The following NUP98 variants were observed in gnomAD, a reference collection of about 807,000 sequenced individuals.
NUP98 encodes the protein nuclear pore complex protein Nup98-Nup96.
A neutral mutation model predicts 191.9 loss-of-function variants in NUP98; 26 were observed. That is an observed-to-expected ratio of 0.14 (90% CI 0.10 to 0.19). NUP98 has a LOEUF of 0.19. Among genes scored for constraint, NUP98 ranks in the 10% least tolerant of loss-of-function variants. NUP98 has a pLI of 1.00. For synonymous variants in NUP98, 808 were observed against 778.4 expected (o/e 1.04, Z -0.63); for missense variants, 1,941 against 2,178.8 (o/e 0.89, Z 2.17).
At chr11:3,738,537 G>A (rs2080160027) in intron 12 of NUP98, among the ~76,000 whole-genome samples, 4 of 152,114 alleles carry the variant, frequency 2.6e-5, no homozygotes. Flanking sequence ...CCAGCACTTT[G>A]GGAAGCTGAG....
At chr11:3,690,299 G>A (rs542620430) in intron 28 of NUP98, among the ~76,000 whole-genome samples, 11 of 144,344 alleles carry the variant, frequency 7.6e-5, no homozygotes, top group South Asian at 2.2e-4. Flanking sequence ...TTGCTGTGTC[G>A]CCCAGGCTGG....
chr11:3,729,348 C>A (rs1047678587), intron 14 of NUP98, among the ~76,000 whole-genome samples: 3 of 151,616 alleles, frequency 2.0e-5, no homozygotes, highest in Non-Finnish European at 4.4e-5. Flanking sequence ...TTGTGGGGTC[C>A]TGGAAGACAA....
chr11:3,709,817 G>A (rs1265109459), intron 20 of NUP98, among the ~76,000 whole-genome samples: 4 of 24,878 alleles, frequency 1.6e-4, no homozygotes, highest in Non-Finnish European at 2.8e-4. Flanking sequence ...GACTGTTGTG[G>A]GGTGGGGGGA....
At chr11:3,756,637 A>G (rs1564890651) in intron 10 of NUP98, among the ~76,000 whole-genome samples, 1 of 151,880 alleles carries the variant, frequency 6.6e-6, no homozygotes, top group East Asian at 2.0e-4. Context: ...TGGCCAGTCT[A>G]TCTCGAACTC....
chr11:3,757,093 A>AT (rs1364740415), intron 10 of NUP98, among the ~76,000 whole-genome samples: 28 of 143,562 alleles, frequency 2.0e-4, no homozygotes, highest in Non-Finnish European at 3.4e-4. Flanking sequence ...ATCTCAAAAA[A>AT]AAAATATATA....
intron 1 of NUP98, among the ~76,000 whole-genome samples, chr11:3,790,583 C>CA: frequency 6.6e-6 from 1 of 152,208 alleles, no homozygotes; most frequent in East Asian, 1.9e-4. Flanking sequence ...CAATGGTGTG[C>CA]AAAAATGCTG....
intron 18 of NUP98, among the ~76,000 whole-genome samples, chr11:3,715,336 G>A (rs547532930): frequency 1.3e-5 from 2 of 152,038 alleles, no homozygotes; most frequent in South Asian, 4.1e-4. Context: ...TAGTAGAGAC[G>A]GGGTTTTGCC....
At chr11:3,714,117 G>GC (rs2079103766) in intron 18 of NUP98, 122 bp from the exon 19 acceptor site, 4 of 1,000,974 alleles carry the variant, frequency 4.0e-6, no homozygotes, top group Non-Finnish European at 6.0e-6. Flanking sequence ...GAATTATTCT[G>GC]CATGTGTCAT....
chr11:3,699,298 G>A lies in NUP98; in HGVS notation c.3793C>T (p.His1265Tyr). The A allele has an allele frequency of 6.8e-6, 11 of 1,614,200 alleles. No homozygotes were observed. Among genetic ancestry groups the A allele is most frequent in the Non-Finnish European group, 9.3e-6 (11 of 1,180,026 alleles). ...TWTLCEALWG[H>Y]LKELDSQLNE... ...AGCTGGCTGTCAAGCTCCTTCAGGT[G>A]GCCCCATAGGGCTTCACATAGTGTC... Residue 1265 changes from histidine to tyrosine, a missense_variant, in exon 25 of 33, where the codon CAC becomes TAC. Physicochemically the swap from His to Tyr is moderately conservative, Grantham distance 83. This residue lies in a region of NUP98 where 1,030 missense variants were observed against 1,115.8 expected (regional missense o/e 0.92). Transcript: ENST00000324932.
At chr11:3,721,754 GA>G (rs1275845624) in intron 16 of NUP98, among the ~76,000 whole-genome samples, 21 of 150,572 alleles carry the variant, frequency 1.4e-4, no homozygotes, top group Middle Eastern at 3.4e-3. Context: ...AATTAAAATA[GA>G]AAAAAAAATA....
At chr11:3,708,472 C>A (rs1444853459) in intron 20 of NUP98, among the ~76,000 whole-genome samples, 1 of 152,066 alleles carries the variant, frequency 6.6e-6, no homozygotes, top group East Asian at 1.9e-4. Context: ...TGCTAAGGAT[C>A]AAGGTTTTAT....
At chr11:3,739,311 G>A (rs189638146) in intron 12 of NUP98, among the ~76,000 whole-genome samples, 134 of 152,176 alleles carry the variant, frequency 8.8e-4, no homozygotes, top group African/African-American at 2.8e-3. Flanking sequence ...GCGCAGTAGC[G>A]CGATCTCGGC....
intron 11 of NUP98, among the ~76,000 whole-genome samples, chr11:3,747,889 G>C (rs564998097): frequency 2.6e-5 from 4 of 152,300 alleles, no homozygotes; most frequent in South Asian, 4.1e-4. Flanking sequence ...CCAAACCCAA[G>C]GGCCTGCTTC....
chr11:3,719,742 T>TA (rs1328970427), intron 17 of NUP98, among the ~76,000 whole-genome samples, 192 bp from the exon 18 acceptor site: 1 of 152,112 alleles, frequency 6.6e-6, no homozygotes, highest in Non-Finnish European at 1.5e-5. Context: ...TTATCTGATT[T>TA]AAAATCTGCA....
In NUP98 at chr11:3,753,555, A is replaced by T. The variant is rs2080844332; in HGVS notation, c.1175-147T>A. On this transcript the variant is annotated intron_variant, in intron 10 of 32. Transcript: ENST00000324932. ...CTCCTAACTTGTAGGATAACTTAAA[A>T]AAAAAATTTCACATATGCAAACAAG... 8.3e-6 allele frequency: 5 copies of T among 600,574 alleles called. No homozygotes were observed. The East Asian group carries it at 1.5e-4, about 18-fold the overall frequency. 37.2% of individuals were successfully genotyped at this position (600,574 alleles called of 1,614,324 possible). A position where few individuals can be genotyped will look rare whatever the true frequency, so the allele number is the denominator to read the frequency against.
At chr11:3,793,081 G>A (rs2082409830) in intron 1 of NUP98, among the ~76,000 whole-genome samples, 1 of 152,048 alleles carries the variant, frequency 6.6e-6, no homozygotes, top group South Asian at 2.1e-4. Flanking sequence ...ACTGCACTCC[G>A]ACTTGGGCGA....
chr11:3,749,362 C>T (rs1589871706), intron 11 of NUP98, among the ~76,000 whole-genome samples: 2 of 152,090 alleles, frequency 1.3e-5, no homozygotes, highest in Non-Finnish European at 2.9e-5. Context: ...CAGAGGCTCA[C>T]GCCTGTAATC....
In NUP98 at chr11:3,773,614, GT is replaced by G; in HGVS notation, c.603+17del. On this transcript the variant is annotated intron_variant, in intron 6 of 32. Transcript: ENST00000324932. ...AATCAAAAGGTTAGACTGACATTCT[GT>G]ATTGTATTTTACTGACCTCTAGTGA... is the stretch of plus-strand genomic sequence containing the variant. 1 of 1,403,480 alleles carries G rather than the reference GT, an allele frequency of 7.1e-7. No homozygotes were observed. The highest frequency in any genetic ancestry group is 1.0e-6 in the Non-Finnish European group (1 of 999,542). 86.9% of individuals were successfully genotyped at this position (1,403,480 alleles called of 1,614,324 possible).
chr11:3,761,365 G>A (rs970321719), intron 9 of NUP98, among the ~76,000 whole-genome samples: 12 of 152,116 alleles, frequency 7.9e-5, no homozygotes, highest in African/African-American at 2.2e-4. Context: ...AGTAGCTCAC[G>A]CCTGTAATCC....
Sources: gnomAD v4.1 joint callset for allele counts (sites outside exome capture counted in the v4.1 genomes callset) on GRCh38, gnomAD v4.1.1 for gene constraint, gnomAD v4.1.1 regional missense constraint, MANE v1.5 for transcripts, NCBI Gene and HGNC (gene_info 2026-07-23, HGNC 2026-07-21) for gene names.